Variants in PRR18 observed in about 807,000 individuals in gnomAD.
The protein encoded by PRR18 is proline-rich protein 18.
For synonymous variants in PRR18, 228 were observed against 220.2 expected (o/e 1.04, Z -0.32); for missense variants, 517 against 437.4 (o/e 1.18, Z -1.62).
rs1356410026 is a variant in PRR18, at chr6:166,307,346, C to T, written c.797G>A (p.Cys266Tyr). Residue 266 changes from cysteine to tyrosine, a missense_variant, in exon 1 of 1, where the codon TGC becomes TAC. Transcript: ENST00000322583. ...EAVDEGLVRK[C>Y]TEWLRGVESA... ...CTCCACGCCGCGCAGCCACTCCGTGCACTTGCGTACCAGGCCCTCGTCCAC... is the reference window on the plus strand; with the variant it reads ...CTCCACGCCGCGCAGCCACTCCGTGTACTTGCGTACCAGGCCCTCGTCCAC... 1 of 1,576,446 alleles carries T rather than the reference C, an allele frequency of 6.3e-7. No homozygotes were observed. Among genetic ancestry groups the T allele is most frequent in the South Asian group, 1.1e-5 (1 of 87,824 alleles).
rs1340607226 is a variant in PRR18, at chr6:166,307,192, G to A, written c.*63C>T. ...GGTCTCCCCCGAGGGCCCCTAGGCGGAGTGGCGCGTGCAGGAAGTGAGGTG... is the reference window on the plus strand; with the variant it reads ...GGTCTCCCCCGAGGGCCCCTAGGCGAAGTGGCGCGTGCAGGAAGTGAGGTG... On this transcript the variant is annotated 3_prime_UTR_variant, in exon 1 of 1. Coordinates refer to ENST00000322583, the MANE Select transcript of PRR18 (RefSeq NM_175922.4). 1.5e-6 allele frequency: 2 copies of A among 1,337,260 alleles called. No individual in the cohort carries two copies. Among genetic ancestry groups the A allele is most frequent in the Non-Finnish European group, 1.9e-6 (2 of 1,041,914 alleles). 82.8% of individuals were successfully genotyped at this position (1,337,260 alleles called of 1,614,324 possible).
At position 166,308,022 on chromosome 6, in the gene PRR18, C is replaced by G. The variant is rs991336435; in HGVS notation, c.121G>C (p.Glu41Gln). The G allele has an allele frequency of 4.9e-5, 61 of 1,239,802 alleles. No homozygotes were observed. The highest frequency in any genetic ancestry group is 5.7e-5 in the Non-Finnish European group (56 of 985,212). The allele number at this position is 1,239,802 out of a possible 1,614,324, so 76.8% of individuals were successfully genotyped here. ...DKKKRPPQRP[E>Q]GLLSSSWPSA... is the part of the protein sequence containing the mutation. ...GGCCAGGAGCTGGAGAGGAGCCCCT[C>G]GGGCCGCTGTGGGGGCCTCTTCTTC... is the stretch of plus-strand genomic sequence containing the variant. Residue 41 changes from glutamate to glutamine, a missense_variant, in exon 1 of 1, where the codon GAG (glutamate) becomes CAG (glutamine). Coordinates refer to ENST00000322583, the MANE Select transcript of PRR18 (RefSeq NM_175922.4).
At position 166,306,659 on chromosome 6, in the gene PRR18, T is replaced by C. The variant is rs972688860; in HGVS notation, c.*596A>G. 1.3e-5 allele frequency: 2 copies of C among 152,260 alleles called. No homozygotes were observed. Among genetic ancestry groups the C allele is most frequent in the East Asian group, 1.9e-4 (1 of 5,206 alleles). The allele number at this position is 152,260 out of a possible 1,614,324, so 9.4% of individuals were successfully genotyped here. On this transcript the variant is annotated 3_prime_UTR_variant, in exon 1 of 1. Coordinates refer to ENST00000322583, the MANE Select transcript of PRR18 (RefSeq NM_175922.4). ...AGACTGGAAATTCGGTTAACTGAGT[T>C]TCAGGGATGTCTAATACCCTCAACA...
chr6:166,307,706 A>C lies in PRR18; in HGVS notation c.437T>G (p.Val146Gly), dbSNP rs748701015. The change falls in exon 1 of 1, where the codon GTC (valine) becomes GGC (glycine). Residue 146 changes from valine (V) to glycine (G), a missense_variant. Coordinates refer to ENST00000322583, the MANE Select transcript of PRR18 (RefSeq NM_175922.4). ...CTTCTCCAGATGACGCTTCTGGATGACCAGGACGGCCTCGGGGGTGAGATT... is the reference window on the plus strand; with the variant it reads ...CTTCTCCAGATGACGCTTCTGGATGCCCAGGACGGCCTCGGGGGTGAGATT... ...CLNLTPEAVL[V>G]IQKRHLEKQL... The C allele has an allele frequency of 2.0e-6, 3 of 1,526,260 alleles. No individual in the cohort carries two copies. Among genetic ancestry groups the C allele is most frequent in the Non-Finnish European group, 1.8e-6 (2 of 1,134,594 alleles). The allele number at this position is 1,526,260 out of a possible 1,614,324, so 94.5% of individuals were successfully genotyped here. A position where few individuals can be genotyped will look rare whatever the true frequency, so the allele number is the denominator to read the frequency against.
rs983773137 is a variant in PRR18 at position 166,306,930 on chromosome 6, T to C, written c.*325A>G. The C allele has an allele frequency of 1.7e-5, 5 of 292,688 alleles. No individual in the cohort carries two copies. The highest frequency in any genetic ancestry group is 1.1e-4 in the African/African-American group (5 of 45,998). 18.1% of individuals were successfully genotyped at this position (292,688 alleles called of 1,614,324 possible). ...GGGGCACCAAGAGGCATTTTCTCAG[T>C]TGCTTAATTCCCCACGAACTGCATG... On this transcript the variant is annotated 3_prime_UTR_variant, in exon 1 of 1. Transcript: ENST00000322583.
rs907138317 is a variant in PRR18, at chr6:166,307,517, G to A, written c.626C>T (p.Pro209Leu). The A allele has an allele frequency of 7.3e-6, 9 of 1,235,582 alleles. No homozygotes were observed. Among genetic ancestry groups the A allele is most frequent in the African/African-American group, 6.3e-5 (4 of 63,738 alleles). The allele number at this position is 1,235,582 out of a possible 1,614,324, so 76.5% of individuals were successfully genotyped here. Reference protein sequence around the residue: ...PTAGQGRRAPPPGAQLLHGGL... With the variant: ...PTAGQGRRAPLPGAQLLHGGL... ...GCCGTGCAGCAGCTGGGCGCCGGGC[G>A]GAGGCGCGCGGCGGCCCTGGCCGGC... Residue 209 changes from proline to leucine, a missense_variant, in exon 1 of 1, where the codon CCG (proline) becomes CTG (leucine). Physicochemically the swap from Pro to Leu is moderately conservative, Grantham distance 98. Transcript: ENST00000322583.
At position 166,305,301 on chromosome 6, in the gene PRR18, C is replaced by T. The variant is rs939186317; in HGVS notation, c.*1954G>A. On this transcript the variant is annotated 3_prime_UTR_variant, in exon 1 of 1. Coordinates refer to ENST00000322583, the MANE Select transcript of PRR18 (RefSeq NM_175922.4). Reference sequence around the variant, plus strand: ...GTCCCCCTCAAAAAGAATCACAAGTCACTGAATTTCTCTTTTATTTAAGCA... The same window carrying T: ...GTCCCCCTCAAAAAGAATCACAAGTTACTGAATTTCTCTTTTATTTAAGCA... The T allele has an allele frequency of 6.6e-6, 1 of 152,196 alleles. No homozygotes were observed. The highest frequency in any genetic ancestry group is 1.5e-5 in the Non-Finnish European group (1 of 68,026). 9.4% of individuals were successfully genotyped at this position (152,196 alleles called of 1,614,324 possible).
chr6:166,307,094 TG>T lies in PRR18; in HGVS notation c.*160del. On this transcript the variant is annotated 3_prime_UTR_variant, in exon 1 of 1. Coordinates refer to ENST00000322583, the MANE Select transcript of PRR18 (RefSeq NM_175922.4). The stretch of plus-strand genomic sequence containing the variant: ...GGGGGCCGTGGCCGTCGGGCGAGTC[TG>T]GCTGCGCCCCACGTGGGCCAGCTTG... 1 of 729,230 alleles carries T rather than the reference TG, an allele frequency of 1.4e-6. No individual in the cohort carries two copies. The highest frequency in any genetic ancestry group is 2.0e-6 in the Non-Finnish European group (1 of 505,270). 45.2% of individuals were successfully genotyped at this position (729,230 alleles called of 1,614,324 possible).
In PRR18 at chr6:166,307,562, TCGCTGGCGGGGC is replaced by T; in HGVS notation, c.569_580del (p.Gly190_Ser193del). 8.3e-7 allele frequency: 1 copy of T among 1,208,648 alleles called. No individual in the cohort carries two copies. 74.9% of individuals were successfully genotyped at this position (1,208,648 alleles called of 1,614,324 possible). A position where few individuals can be genotyped will look rare whatever the true frequency, so the allele number is the denominator to read the frequency against. On this transcript the variant is annotated inframe_deletion, in exon 1 of 1. Coordinates refer to ENST00000322583, the MANE Select transcript of PRR18 (RefSeq NM_175922.4). The stretch of plus-strand genomic sequence containing the variant: ...GCCGGCGGTGGGGGGTGCGTCGGGG[TCGCTGGCGGGGC>T]CGCCCCTCCGCGGGCCCGCGGCCCT...
In PRR18 at chr6:166,307,375, C is replaced by T. The variant is rs1435615668; in HGVS notation, c.768G>A (p.Glu256=). The change falls in exon 1 of 1, where the codon GAG becomes GAA. Residue 256 remains glutamate, a synonymous_variant. Transcript: ENST00000322583. ...YDDVEYEEEP[E]AVDEGLVRKC... ...TGCGTACCAGGCCCTCGTCCACCGC[C>T]TCTGGCTCCTCCTCGTACTCCACGT... is the stretch of plus-strand genomic sequence containing the variant. 16 of 1,579,642 alleles carry T rather than the reference C, an allele frequency of 1.0e-5. No individual in the cohort carries two copies. The East Asian group carries it at 1.7e-4, about 16-fold the overall frequency.
rs191462716 is a variant in PRR18, at chr6:166,305,466, T to C, written c.*1789A>G. ...CTCATTGACCAGGGAAACATAAATG[T>C]TCCACTCATCTGCTTTTAAAGTAGA... On this transcript the variant is annotated 3_prime_UTR_variant, in exon 1 of 1. Coordinates refer to ENST00000322583, the MANE Select transcript of PRR18 (RefSeq NM_175922.4). 244 of 152,372 alleles carry C rather than the reference T, an allele frequency of 1.6e-3. No individual in the cohort carries two copies. The highest frequency in any genetic ancestry group is 5.0e-3 in the African/African-American group (209 of 41,578). 9.4% of individuals were successfully genotyped at this position (152,372 alleles called of 1,614,324 possible). A position where few individuals can be genotyped will look rare whatever the true frequency, so the allele number is the denominator to read the frequency against.
Position 166,307,744 on chromosome 6 carries a change from C to G in PRR18, c.399G>C (p.Ala133=), listed in dbSNP as rs767459528. 1 of 1,514,630 alleles carries G rather than the reference C, an allele frequency of 6.6e-7. No individual in the cohort carries two copies. Among genetic ancestry groups the G allele is most frequent in the Admixed American group, 2.0e-5 (1 of 49,832 alleles). 93.8% of individuals were successfully genotyped at this position (1,514,630 alleles called of 1,614,324 possible). ...CGGGGGTGAGATTCAGGCAGAAGCG[C>G]GCAGCGGAGTCTGGACAAGGCCCCG... ...SGAGPCPDSA[A]RFCLNLTPEA... Residue 133 remains alanine, a synonymous_variant, in exon 1 of 1, where the codon GCG becomes GCC. Coordinates refer to ENST00000322583, the MANE Select transcript of PRR18 (RefSeq NM_175922.4).
Position 166,307,310 on chromosome 6 carries a change from G to A in PRR18, c.833C>T (p.Ala278Val), listed in dbSNP as rs749119136. 1.3e-6 allele frequency: 2 copies of A among 1,544,334 alleles called. No individual in the cohort carries two copies. Among genetic ancestry groups the A allele is most frequent in the East Asian group, 2.5e-5 (1 of 39,678 alleles). ...EWLRGVESAA[A>V]ARGRAGALDS... ...CAGGGCCCCCGCCCGGCCCCGCGCGGCAGCCGCGGACTCCACGCCGCGCAG... is the reference window on the plus strand; with the variant it reads ...CAGGGCCCCCGCCCGGCCCCGCGCGACAGCCGCGGACTCCACGCCGCGCAG... The change falls in exon 1 of 1, where the codon GCC becomes GTC. Residue 278 changes from alanine (A) to valine (V), a missense_variant. Transcript: ENST00000322583.
At position 166,307,509 on chromosome 6, in the gene PRR18, C is replaced by T. The variant is rs537800335; in HGVS notation, c.634G>A (p.Ala212Thr). Reference sequence around the variant, plus strand: ...TGCAGGCCGCCGTGCAGCAGCTGGGCGCCGGGCGGAGGCGCGCGGCGGCCC... The same window carrying T: ...TGCAGGCCGCCGTGCAGCAGCTGGGTGCCGGGCGGAGGCGCGCGGCGGCCC... ...GQGRRAPPPG[A>T]QLLHGGLQVP... Residue 212 changes from alanine (A) to threonine (T), a missense_variant, in exon 1 of 1, where the codon GCC (alanine) becomes ACC (threonine). Ala to Thr is a moderately conservative substitution (Grantham distance 58, BLOSUM62 0). Transcript: ENST00000322583. 7.9e-7 allele frequency: 1 copy of T among 1,262,416 alleles called. No individual in the cohort carries two copies. The highest frequency in any genetic ancestry group is 1.5e-5 in the African/African-American group (1 of 64,778). 78.2% of individuals were successfully genotyped at this position (1,262,416 alleles called of 1,614,324 possible).
rs973427312 is a variant in PRR18, at chr6:166,307,381, C to T, written c.762G>A (p.Glu254=). The stretch of plus-strand genomic sequence containing the variant: ...CCAGGCCCTCGTCCACCGCCTCTGG[C>T]TCCTCCTCGTACTCCACGTCGTCGT... The part of the protein sequence containing the change: ...HRYDDVEYEE[E]PEAVDEGLVR... Residue 254 remains glutamate, a synonymous_variant, in exon 1 of 1, where the codon GAG becomes GAA. Coordinates refer to ENST00000322583, the MANE Select transcript of PRR18 (RefSeq NM_175922.4). The T allele has an allele frequency of 1.9e-6, 3 of 1,579,366 alleles. No homozygotes were observed. The highest frequency in any genetic ancestry group is 2.4e-5 in the East Asian group (1 of 42,044).
At position 166,307,897 on chromosome 6, in the gene PRR18, G is replaced by A; in HGVS notation, c.246C>T (p.Ser82=). 8.1e-7 allele frequency: 1 copy of A among 1,233,838 alleles called. No homozygotes were observed. The highest frequency in any genetic ancestry group is 1.0e-6 in the Non-Finnish European group (1 of 988,754). The allele number at this position is 1,233,838 out of a possible 1,614,324, so 76.4% of individuals were successfully genotyped here. The change falls in exon 1 of 1, where the codon AGC becomes AGT. Residue 82 remains serine (S), a synonymous_variant. Transcript: ENST00000322583. ...PPGVSPQALP[S]RARAPATCAP... Reference sequence around the variant, plus strand: ...CGCACGTGGCTGGGGCCCGCGCGCGGCTGGGCAAGGCCTGGGGGGAGACGC... The same window carrying A: ...CGCACGTGGCTGGGGCCCGCGCGCGACTGGGCAAGGCCTGGGGGGAGACGC...
At position 166,305,473 on chromosome 6, in the gene PRR18, C is replaced by T. The variant is rs1345395686; in HGVS notation, c.*1782G>A. ...ACCAGGGAAACATAAATGTTCCACT[C>T]ATCTGCTTTTAAAGTAGAGAACAAG... On this transcript the variant is annotated 3_prime_UTR_variant, in exon 1 of 1. Coordinates refer to ENST00000322583, the MANE Select transcript of PRR18 (RefSeq NM_175922.4). 1 of 152,186 alleles carries T rather than the reference C, an allele frequency of 6.6e-6. No homozygotes were observed. Among genetic ancestry groups the T allele is most frequent in the Non-Finnish European group, 1.5e-5 (1 of 68,054 alleles). 9.4% of individuals were successfully genotyped at this position (152,186 alleles called of 1,614,324 possible). A position where few individuals can be genotyped will look rare whatever the true frequency, so the allele number is the denominator to read the frequency against.
In PRR18 at chr6:166,307,171, T is replaced by A; in HGVS notation, c.*84A>T. 7.9e-7 allele frequency: 1 copy of A among 1,265,598 alleles called. No individual in the cohort carries two copies. The highest frequency in any genetic ancestry group is 4.0e-5 in the Admixed American group (1 of 25,040). The allele number at this position is 1,265,598 out of a possible 1,614,324, so 78.4% of individuals were successfully genotyped here. A position where few individuals can be genotyped will look rare whatever the true frequency, so the allele number is the denominator to read the frequency against. On this transcript the variant is annotated 3_prime_UTR_variant, in exon 1 of 1. Coordinates refer to ENST00000322583, the MANE Select transcript of PRR18 (RefSeq NM_175922.4). ...CTGGCGGCCAGAGGAGCCTGCGGTC[T>A]CCCCCGAGGGCCCCTAGGCGGAGTG...
In PRR18 at chr6:166,307,782, T is replaced by C; in HGVS notation, c.361A>G (p.Thr121Ala). Residue 121 changes from threonine (T) to alanine (A), a missense_variant, in exon 1 of 1, where the codon ACC (threonine) becomes GCC (alanine). Physicochemically the swap from Thr to Ala is moderately conservative, Grantham distance 58 (BLOSUM62 0). Coordinates refer to ENST00000322583, the MANE Select transcript of PRR18 (RefSeq NM_175922.4). ...GGACAAGGCCCCGCCCCCGAGGAGG[T>C]GCCCGCGGCGGTGGTCCCCGTCCCC... ...SAGTGTTAAG[T>A]SSGAGPCPDS... 1 of 1,473,856 alleles carries C rather than the reference T, an allele frequency of 6.8e-7. No homozygotes were observed. Among genetic ancestry groups the C allele is most frequent in the Non-Finnish European group, 9.0e-7 (1 of 1,105,016 alleles). 91.3% of individuals were successfully genotyped at this position (1,473,856 alleles called of 1,614,324 possible). A position where few individuals can be genotyped will look rare whatever the true frequency, so the allele number is the denominator to read the frequency against.
Sources: gnomAD v4.1 joint callset for allele counts on GRCh38, gnomAD v4.1.1 for gene constraint, MANE v1.5 for transcripts, NCBI Gene and HGNC (gene_info 2026-07-23, HGNC 2026-07-21) for gene names.